URI1: variants seen among roughly 807,000 people sequenced by gnomAD.
The protein encoded by URI1 is unconventional prefoldin RPB5 interactor 1.
Under a neutral mutation model 60.2 loss-of-function variants are expected in URI1, and 39 were observed. The observed-to-expected ratio is 0.65, with a 90% CI of 0.50 to 0.85. The LOEUF (loss-of-function observed/expected upper bound fraction) is 0.85, where lower values mean the gene tolerates loss of function less well. URI1 is among the 40% of genes least tolerant of loss of function. URI1 has a pLI of 0.00. For missense variants in URI1, 691 were observed against 665.9 expected (o/e 1.04, Z -0.42); for synonymous variants, 251 against 236.8 (o/e 1.06, Z -0.55).
At chr19:29,971,974 C>T (rs1228910221) in intron 2 of URI1, among the ~76,000 whole-genome samples, 1 of 152,012 alleles carries the variant, frequency 6.6e-6, no homozygotes, top group Admixed American at 6.6e-5. Flanking sequence ...ATGGTAACTG[C>T]CCCTTTAGTG....
intron 1 of URI1, among the ~76,000 whole-genome samples, chr19:29,966,870 C>T (rs539200140): frequency 4.6e-5 from 7 of 152,232 alleles, no homozygotes; most frequent in African/African-American, 1.7e-4. Context: ...ATGCATTAAC[C>T]CATACAGGAA....
chr19:29,949,769 G>T (rs1329679761), intron 1 of URI1, among the ~76,000 whole-genome samples: 1 of 152,190 alleles, frequency 6.6e-6, no homozygotes, highest in Non-Finnish European at 1.5e-5. Flanking sequence ...AACCACTCAG[G>T]CGTGGCGGCG....
In URI1 at chr19:30,015,725, G is replaced by A; in HGVS notation, c.*656G>A. ...GTCTCAAAAATGTTGTGAACTTTAT[G>A]ATTCAAAATTGAGTACAGATATGTC... On this transcript the variant is annotated 3_prime_UTR_variant, in exon 11 of 11. Transcript: ENST00000392271. 1 of 773,192 alleles carries A rather than the reference G, an allele frequency of 1.3e-6. No homozygotes were observed. Among genetic ancestry groups the A allele is most frequent in the Non-Finnish European group, 2.0e-6 (1 of 492,566 alleles). The allele number at this position is 773,192 out of a possible 1,614,324, so 47.9% of individuals were successfully genotyped here.
chr19:29,967,433 T>TA (rs1190700283), intron 1 of URI1, among the ~76,000 whole-genome samples: 4 of 152,236 alleles, frequency 2.6e-5, no homozygotes, highest in African/African-American at 7.2e-5. Flanking sequence ...CATACACAGA[T>TA]ATACTAGTAA....
chr19:29,991,413 T>C (rs902748364), intron 4 of URI1, among the ~76,000 whole-genome samples: 40 of 152,232 alleles, frequency 2.6e-4, no homozygotes, highest in Admixed American at 6.5e-5. Flanking sequence ...AGTGTTCTAG[T>C]ATATAGAAAT....
intron 2 of URI1, among the ~76,000 whole-genome samples, chr19:29,981,376 A>G (rs1298884177): frequency 6.6e-6 from 1 of 152,054 alleles, no homozygotes; most frequent in African/African-American, 2.4e-5. Flanking sequence ...ACTTTCTACA[A>G]TTTTATGCAA....
chr19:29,967,010 A>G (rs1291924106), intron 1 of URI1, among the ~76,000 whole-genome samples: 1 of 152,194 alleles, frequency 6.6e-6, no homozygotes, highest in East Asian at 1.9e-4. Flanking sequence ...GTGGCATTGT[A>G]TTTAACTTGC....
chr19:30,012,150 G>C (rs1462615458), intron 9 of URI1, 135 bp from the exon 10 acceptor site: 2 of 1,016,152 alleles, frequency 2.0e-6, no homozygotes, highest in African/African-American at 1.7e-5. Flanking sequence ...TTGTGATTGT[G>C]ACTATTTTAG....
intron 1 of URI1, among the ~76,000 whole-genome samples, chr19:29,936,789 A>C (rs1288624594): frequency 6.6e-6 from 1 of 151,238 alleles, no homozygotes; most frequent in African/African-American, 2.4e-5. Flanking sequence ...GTCTCACTCT[A>C]TTGCCCAGGC....
At chr19:29,963,049 T>A (rs2055346771) in intron 1 of URI1, among the ~76,000 whole-genome samples, 1 of 152,206 alleles carries the variant, frequency 6.6e-6, no homozygotes, top group African/African-American at 2.4e-5. Flanking sequence ...CATAAAGTTT[T>A]CCCTTTTTCT....
Position 29,960,484 on chromosome 19 carries a change from C to T in URI1, c.118-10709C>T, listed in dbSNP as rs533429068. Among the ~76,000 whole-genome samples the T allele has an allele frequency of 1.6e-4, 24 of 152,152 alleles. 1 individual carries two copies. The East Asian group carries it at 4.4e-3, about 28-fold the overall frequency. ...GTATACAAATTTAAAATTGTAAAAACTTCCTGGTCAGTTGACCTTTTCACC... is the reference window on the plus strand; with the variant it reads ...GTATACAAATTTAAAATTGTAAAAATTTCCTGGTCAGTTGACCTTTTCACC... On this transcript the variant is annotated intron_variant, in intron 1 of 10. Coordinates refer to ENST00000392271, the MANE Select transcript of URI1 (RefSeq NM_003796.3).
At chr19:29,989,484 C>T (rs162948) in intron 4 of URI1, among the ~76,000 whole-genome samples, 1,729 of 151,266 alleles carry the variant, frequency 0.011, 45 homozygotes, top group African/African-American at 0.04. Context: ...AGTGCAGTGG[C>T]GCGATGTCAG....
intron 10 of URI1, among the ~76,000 whole-genome samples, chr19:30,013,635 A>T (rs2056050289): frequency 6.6e-6 from 1 of 152,098 alleles, no homozygotes; most frequent in African/African-American, 2.4e-5. Flanking sequence ...TTTTGTATGG[A>T]AATGTTTAAT....
At chr19:29,968,565 CTTTTTTTTTTTTT>C (rs35475321) in intron 1 of URI1, among the ~76,000 whole-genome samples, 5 of 74,428 alleles carry the variant, frequency 6.7e-5, no homozygotes, top group African/African-American at 1.0e-4. Context: ...CTAATTTTTT[CTTTTTTTTTTTTT>C]TTTTTTTTTT....
Position 29,971,036 on chromosome 19 carries a change from A to G in URI1, c.118-157A>G, listed in dbSNP as rs552815252. 4 of 676,718 alleles carry G rather than the reference A, an allele frequency of 5.9e-6. No individual in the cohort carries two copies. The East Asian group carries it at 1.1e-4, about 19-fold the overall frequency. 41.9% of individuals were successfully genotyped at this position (676,718 alleles called of 1,614,324 possible). A position where few individuals can be genotyped will look rare whatever the true frequency, so the allele number is the denominator to read the frequency against. ...TTATGATAAAGTGTGCTGCTTAAAAACTAACGTTCACATCTCTGTGCATTT... is the reference window on the plus strand; with the variant it reads ...TTATGATAAAGTGTGCTGCTTAAAAGCTAACGTTCACATCTCTGTGCATTT... On this transcript the variant is annotated intron_variant, in intron 1 of 10. Transcript: ENST00000392271.
intron 2 of URI1, among the ~76,000 whole-genome samples, chr19:29,980,844 C>G (rs557244309): frequency 2.7e-5 from 4 of 147,482 alleles, no homozygotes; most frequent in Admixed American, 6.9e-5. Context: ...ATCGCTTGAA[C>G]CTGGGAGGTG....
intron 1 of URI1, among the ~76,000 whole-genome samples, chr19:29,951,397 C>G (rs1248768872): frequency 1.3e-5 from 2 of 152,138 alleles, no homozygotes; most frequent in Non-Finnish European, 2.9e-5. Context: ...TTTCGAGCAA[C>G]AAGAACTCTA....
chr19:29,927,822 C>G (rs577856457), intron 1 of URI1, among the ~76,000 whole-genome samples: 1 of 151,964 alleles, frequency 6.6e-6, no homozygotes, highest in South Asian at 2.1e-4. Context: ...AGTGATCTGC[C>G]CACCTCGGCC....
At position 30,001,648 on chromosome 19, in the gene URI1, C is replaced by G. The variant is rs574481527; in HGVS notation, c.368-3713C>G. On this transcript the variant is annotated intron_variant, in intron 4 of 10. Transcript: ENST00000392271. ...AGTTCACTCTTCTTTTGGAAATACT[C>G]TCAAGTGAATTGCCTTTTCCAGGTC... is the stretch of plus-strand genomic sequence containing the variant. 1.0e-3 allele frequency among the ~76,000 whole-genome samples: 157 copies of G among 152,020 alleles called. 3 individuals carry two copies. Among genetic ancestry groups the G allele is most frequent in the African/African-American group, 3.7e-3 (155 of 41,524 alleles).
Sources: gnomAD v4.1 joint callset for allele counts (sites outside exome capture counted in the v4.1 genomes callset) on GRCh38, gnomAD v4.1.1 for gene constraint, MANE v1.5 for transcripts, NCBI Gene and HGNC (gene_info 2026-07-23, HGNC 2026-07-21) for gene names.